TENM4: variants seen among roughly 807,000 people sequenced by gnomAD.
TENM4 encodes teneurin-4.
In TENM4, 82 loss-of-function variants were observed where a neutral mutation model predicts 243.3. That is an observed-to-expected ratio of 0.34 (90% CI 0.28 to 0.40). The LOEUF is 0.40. Among genes scored for constraint, TENM4 ranks in the 10% least tolerant of loss-of-function variants. The pLI, the probability that TENM4 is intolerant of heterozygous loss-of-function variation, is 1.00. For synonymous variants in TENM4, 1,412 were observed against 1,456.3 expected (o/e 0.97, Z 0.69); for missense variants, 3,138 against 3,673.3 (o/e 0.85, Z 3.77).
intron 2 of TENM4, among the ~76,000 whole-genome samples, chr11:79,296,638 A>T (rs558521492): frequency 6.6e-6 from 1 of 152,354 alleles, no homozygotes; most frequent in African/African-American, 2.4e-5. Context: ...CAGGTGGAAC[A>T]GTCTGCTGTT....
intron 1 of TENM4, among the ~76,000 whole-genome samples, chr11:79,409,060 T>TTTTG (rs1481018185): frequency 5.6e-5 from 8 of 141,936 alleles, no homozygotes; most frequent in African/African-American, 2.1e-4. Flanking sequence ...GAGGGATATT[T>TTTTG]TGTGTGTGTG....
At chr11:79,403,216 C>A (rs1028593993) in intron 1 of TENM4, among the ~76,000 whole-genome samples, 1 of 152,304 alleles carries the variant, frequency 6.6e-6, no homozygotes, top group African/African-American at 2.4e-5. Flanking sequence ...TACTAACCAA[C>A]GATTCTCCCA....
At chr11:79,321,113 T>G (rs777978171) in intron 1 of TENM4, among the ~76,000 whole-genome samples, 5 of 152,200 alleles carry the variant, frequency 3.3e-5, no homozygotes, top group Non-Finnish European at 5.9e-5. Flanking sequence ...CTGTACAACA[T>G]TAGACAAGTC....
chr11:78,895,790 T>C (rs1303889425), intron 7 of TENM4, among the ~76,000 whole-genome samples: 1 of 152,198 alleles, frequency 6.6e-6, no homozygotes, highest in Non-Finnish European at 1.5e-5. Flanking sequence ...AAAGGTTAAG[T>C]GCCCAGCATA....
chr11:79,195,352 A>G (rs1863602026), intron 3 of TENM4, among the ~76,000 whole-genome samples: 2 of 152,198 alleles, frequency 1.3e-5, no homozygotes, highest in Admixed American at 1.3e-4. Context: ...AGACACCAGA[A>G]TGGTAGGTCC....
chr11:79,325,654 T>G (rs895967453), intron 1 of TENM4, among the ~76,000 whole-genome samples: 2 of 152,218 alleles, frequency 1.3e-5, no homozygotes, highest in African/African-American at 2.4e-5. Context: ...GTGTTTATTA[T>G]GAGCAAAGGC....
chr11:78,729,646 A>G lies in TENM4; in HGVS notation c.3139-3T>C. 1.2e-6 allele frequency: 2 copies of G among 1,605,046 alleles called. No homozygotes were observed. The highest frequency in any genetic ancestry group is 1.7e-6 in the Non-Finnish European group (2 of 1,174,578). ...ATAGAGATTTCCTCCTGCAAAGCCT[A>G]GAAAGCAGAGGCAGATCACAGCAAG... On this transcript the variant is annotated splice_polypyrimidine_tract_variant and splice_region_variant and intron_variant, in intron 21 of 33. Transcript: ENST00000278550.
chr11:78,958,900 A>G (rs1357378010), intron 6 of TENM4, among the ~76,000 whole-genome samples: 1 of 152,196 alleles, frequency 6.6e-6, no homozygotes, highest in African/African-American at 2.4e-5. Context: ...GTGGAAGGAG[A>G]TGGGGGTGTG....
intron 4 of TENM4, among the ~76,000 whole-genome samples, chr11:79,110,245 T>A (rs747640310): frequency 4.6e-5 from 7 of 152,194 alleles, no homozygotes; most frequent in Non-Finnish European, 8.8e-5. Context: ...CCAGGTTTTA[T>A]CCATTGCCAT....
intron 18 of TENM4, among the ~76,000 whole-genome samples, chr11:78,766,259 A>G (rs1418109086): frequency 6.6e-6 from 1 of 152,218 alleles, no homozygotes; most frequent in Non-Finnish European, 1.5e-5. Flanking sequence ...TTCAATATAT[A>G]ACCTGTGATC....
At chr11:78,839,082 G>C (rs1386252149) in intron 12 of TENM4, among the ~76,000 whole-genome samples, 1 of 152,088 alleles carries the variant, frequency 6.6e-6, no homozygotes, top group African/African-American at 2.4e-5. Flanking sequence ...AAGGATTTAT[G>C]ATATATTAAG....
intron 6 of TENM4, among the ~76,000 whole-genome samples, chr11:78,960,947 T>C (rs775664713): frequency 6.6e-6 from 1 of 152,206 alleles, no homozygotes; most frequent in African/African-American, 2.4e-5. Flanking sequence ...TTCCAGGCAC[T>C]GTGATGGGTG....
intron 7 of TENM4, among the ~76,000 whole-genome samples, chr11:78,895,579 T>A (rs1855773512): frequency 6.6e-6 from 1 of 152,062 alleles, no homozygotes; most frequent in African/African-American, 2.4e-5. Flanking sequence ...CCCAAAACTC[T>A]AGGTGTCTAG....
intron 2 of TENM4, among the ~76,000 whole-genome samples, chr11:79,282,739 C>T (rs1856178513): frequency 6.6e-6 from 1 of 151,774 alleles, no homozygotes; most frequent in African/African-American, 2.4e-5. Context: ...AGGCCAATCT[C>T]TTATCTGTTA....
intron 27 of TENM4, among the ~76,000 whole-genome samples, chr11:78,702,667 A>G (rs992742316): frequency 5.9e-5 from 9 of 152,218 alleles, no homozygotes; most frequent in Non-Finnish European, 8.8e-5. Context: ...AGTAGGCAAA[A>G]GGGTAGACTT....
At chr11:78,801,381 G>T (rs1334220188) in intron 15 of TENM4, among the ~76,000 whole-genome samples, 1 of 152,202 alleles carries the variant, frequency 6.6e-6, no homozygotes, top group Non-Finnish European at 1.5e-5. Flanking sequence ...ATAAGAATCT[G>T]TTGCAACAGT....
intron 33 of TENM4, among the ~76,000 whole-genome samples, chr11:78,659,664 A>G (rs1446683299): frequency 6.6e-6 from 1 of 152,228 alleles, no homozygotes; most frequent in African/African-American, 2.4e-5. Context: ...ACTGCTCTCC[A>G]CTGCATTTAC....
intron 15 of TENM4, among the ~76,000 whole-genome samples, chr11:78,790,528 C>T (rs1035226362): frequency 6.6e-6 from 1 of 152,204 alleles, no homozygotes; most frequent in African/African-American, 2.4e-5. Context: ...ATTGAACTAT[C>T]ACAACAAGGC....
intron 4 of TENM4, among the ~76,000 whole-genome samples, chr11:79,123,411 C>A (rs1003661754): frequency 6.6e-6 from 1 of 152,088 alleles, no homozygotes; most frequent in Non-Finnish European, 1.5e-5. Flanking sequence ...AGGTATATGC[C>A]CTAAACCACT....
Sources: gnomAD v4.1 joint callset for allele counts (sites outside exome capture counted in the v4.1 genomes callset) on GRCh38, gnomAD v4.1.1 for gene constraint, MANE v1.5 for transcripts, NCBI Gene and HGNC (gene_info 2026-07-23, HGNC 2026-07-21) for gene names.